The following CDHR5 variants were observed in gnomAD, a reference collection of about 807,000 sequenced individuals.
CDHR5 encodes cadherin related family member 5, also known as cadherin-related family member 5.
In CDHR5, 82 loss-of-function variants were observed where a neutral mutation model predicts 69.5. The ratio of observed to expected loss-of-function variants is 1.18; its 90% CI spans 0.99 to 1.42. The LOEUF (loss-of-function observed/expected upper bound fraction) is 1.42, where lower values mean the gene tolerates loss of function less well. Ranked by LOEUF, CDHR5 falls within the 40% of genes most tolerant of loss-of-function variation. The probability of loss-of-function intolerance (pLI) is 0.00; values close to 1 mark genes in which losing one functional copy is unlikely to be tolerated. For synonymous variants in CDHR5, 601 were observed against 510.2 expected (o/e 1.18, Z -2.40); for missense variants, 1,293 against 1,168.9 (o/e 1.11, Z -1.55).
Position 619,572 on chromosome 11 carries a change from T to C in CDHR5, c.1195A>G (p.Ile399Val). The part of the protein sequence containing the change: ...DPEFSDLNSA[I>V]TYRITNHSHF... ...GAGTGGTTGGTAATTCGATATGTGA[T>C]GGCCGAGTTGAGGTCCTGGACAGGG... The change falls in exon 11 of 15, where the codon ATC becomes GTC. Residue 399 changes from isoleucine (I) to valine (V), a missense_variant. By Grantham distance (29) the Ile-to-Val change is conservative. Transcript: ENST00000397542. 2 of 1,613,810 alleles carry C rather than the reference T, an allele frequency of 1.2e-6. No individual in the cohort carries two copies. Among genetic ancestry groups the C allele is most frequent in the Non-Finnish European group, 1.7e-6 (2 of 1,179,804 alleles).
At chr11:619,422 C>T (rs766710344) in intron 11 of CDHR5, 32 bp from the exon 12 acceptor site, 5 of 1,609,054 alleles carry the variant, frequency 3.1e-6, no homozygotes, top group Non-Finnish European at 4.3e-6. Context: ...CCCTCCTAGA[C>T]ACATCTTTAA....
rs371539735 is a variant in CDHR5 at position 618,074 on chromosome 11, C to T, written c.1998G>A (p.Val666=). Residue 666 remains valine (V), a synonymous_variant, in exon 14 of 15, where the codon GTG becomes GTA. Coordinates refer to ENST00000397542, the MANE Select transcript of CDHR5 (RefSeq NM_021924.5). The part of the protein sequence containing the change: ...GPSEDKRFSV[V]DMAALGGVLG... ...GCACCCCGCCCAGGGCCGCCATATC[C>T]ACCACCGAGAAGCGCTTGTCCTCCG... The T allele has an allele frequency of 5.3e-5, 85 of 1,610,076 alleles. No individual in the cohort carries two copies. The highest frequency in any genetic ancestry group is 8.9e-5 in the East Asian group (4 of 44,804).
At chr11:623,924 G>A (rs1005881722) in intron 3 of CDHR5, among the ~76,000 whole-genome samples, 52 of 152,240 alleles carry the variant, frequency 3.4e-4, no homozygotes, top group African/African-American at 1.2e-3. Context: ...GGGAACCAAG[G>A]TGGTCCCCGT....
At chr11:622,696 G>A (rs1178956525) in intron 3 of CDHR5, among the ~76,000 whole-genome samples, 1 of 151,882 alleles carries the variant, frequency 6.6e-6, no homozygotes, top group Non-Finnish European at 1.5e-5. Context: ...CATTGGTCTC[G>A]AACTCTTGAC....
intron 12 of CDHR5, 35 bp from the exon 13 acceptor site, chr11:619,215 G>A: frequency 4.1e-6 from 6 of 1,475,772 alleles, no homozygotes; most frequent in Non-Finnish European, 5.5e-6. Context: ...GCTTGCCTCT[G>A]CCCGCCCCTT....
intron 3 of CDHR5, among the ~76,000 whole-genome samples, chr11:623,962 G>A (rs1209417905): frequency 6.6e-6 from 1 of 152,150 alleles, no homozygotes; most frequent in Non-Finnish European, 1.5e-5. Flanking sequence ...TGCCTCCCTT[G>A]TGGATGGTTG....
In CDHR5 at chr11:624,207, A is replaced by G; in HGVS notation, c.312+6T>C. On this transcript the variant is annotated splice_donor_region_variant and intron_variant, in intron 3 of 14. Transcript: ENST00000397542. This position sits in a 1 kb window ranked among gnomAD's most constrained non-coding sequence, Gnocchi z 5.3. ...GTGGGGCGGGGAGAGCGGGGCGGGG[A>G]CTCACCAATGTGCCTCCGCTCTGAC... 1 of 756,098 alleles carries G rather than the reference A, an allele frequency of 1.3e-6. No homozygotes were observed. Among genetic ancestry groups the G allele is most frequent in the Non-Finnish European group, 2.5e-6 (1 of 407,050 alleles). 46.8% of individuals were successfully genotyped at this position (756,098 alleles called of 1,614,324 possible). A position where few individuals can be genotyped will look rare whatever the true frequency, so the allele number is the denominator to read the frequency against.
rs1208524825 is a variant in CDHR5 at position 619,142 on chromosome 11, G to A, written c.1417C>T (p.Pro473Ser). ...ACCTCGGAAGTGGTGCTGGTCCAGG[G>A]CCCAGTTGTTCCTCCAGCCTCTGGG... is the stretch of plus-strand genomic sequence containing the variant. The part of the protein sequence containing the change: ...PSPEAGGTTG[P>S]WTSTTSEVPR... The change falls in exon 13 of 15, where the codon CCC (proline) becomes TCC (serine). Residue 473 changes from proline to serine, a missense_variant. By Grantham distance (74) the Pro-to-Ser change is moderately conservative. Transcript: ENST00000397542. 1 of 1,574,792 alleles carries A rather than the reference G, an allele frequency of 6.4e-7. No individual in the cohort carries two copies. Among genetic ancestry groups the A allele is most frequent in the Non-Finnish European group, 8.6e-7 (1 of 1,162,332 alleles).
At chr11:623,379 G>A (rs952614674) in intron 3 of CDHR5, among the ~76,000 whole-genome samples, 3 of 152,162 alleles carry the variant, frequency 2.0e-5, no homozygotes, top group African/African-American at 7.2e-5. Flanking sequence ...GTGCATGGAG[G>A]GCACAGAGCC....
At chr11:620,465 A>G in intron 7 of CDHR5, 79 bp from the exon 8 acceptor site, 1 of 1,029,730 alleles carries the variant, frequency 9.7e-7, no homozygotes, top group Non-Finnish European at 1.4e-6. Flanking sequence ...ACTCCCCATC[A>G]AGGGCAGGGT....
Position 617,789 on chromosome 11 carries a change from G to T in CDHR5, c.2119-19C>A. ...GGGGCTCCTGCAGGCGGGAGTCGAG[G>T]CGTCAGCGGGGTCCCTGGGTCTCTG... On this transcript the variant is annotated intron_variant, in intron 14 of 14. Coordinates refer to ENST00000397542, the MANE Select transcript of CDHR5 (RefSeq NM_021924.5). 1.4e-6 allele frequency: 2 copies of T among 1,448,226 alleles called. No individual in the cohort carries two copies. Among genetic ancestry groups the T allele is most frequent in the Non-Finnish European group, 1.8e-6 (2 of 1,106,268 alleles). 89.7% of individuals were successfully genotyped at this position (1,448,226 alleles called of 1,614,324 possible).
chr11:617,653 C>T lies in CDHR5; in HGVS notation c.2236G>A (p.Glu746Lys). The T allele has an allele frequency of 6.5e-7, 1 of 1,531,238 alleles. No individual in the cohort carries two copies. Among genetic ancestry groups the T allele is most frequent in the Non-Finnish European group, 8.7e-7 (1 of 1,142,990 alleles). 94.9% of individuals were successfully genotyped at this position (1,531,238 alleles called of 1,614,324 possible). A position where few individuals can be genotyped will look rare whatever the true frequency, so the allele number is the denominator to read the frequency against. ...GAGGCAGGGCCGGGGGGTGCGGGCT[C>T]TGCGGGCATCGGTGCCTCCGCGGGC... is the stretch of plus-strand genomic sequence containing the variant. ...PKPAEAPMPA[E>K]PAPPGPASPG... Residue 746 changes from glutamate (E) to lysine (K), a missense_variant, in exon 15 of 15, where the codon GAG (glutamate) becomes AAG (lysine). Coordinates refer to ENST00000397542, the MANE Select transcript of CDHR5 (RefSeq NM_021924.5).
intron 11 of CDHR5, 34 bp downstream of exon 11, chr11:619,440 A>G: frequency 6.2e-7 from 1 of 1,605,886 alleles, no homozygotes; most frequent in Non-Finnish European, 8.5e-7. Context: ...TAAGCCCCAC[A>G]CCCTTGGAGA....
At position 621,236 on chromosome 11, in the gene CDHR5, C is replaced by CT; in HGVS notation, c.632dup (p.Asn212GlufsTer66). 1 of 1,596,782 alleles carries CT rather than the reference C, an allele frequency of 6.3e-7. No individual in the cohort carries two copies. The highest frequency in any genetic ancestry group is 2.2e-5 in the East Asian group (1 of 44,694). ...TGGCAGTGTGGCTGGGTTCCACATT[C>CT]TCCCCCGGAGTGTCCTGCAACAGAC... On this transcript the variant is annotated frameshift_variant, in exon 7 of 15. Coordinates refer to ENST00000397542, the MANE Select transcript of CDHR5 (RefSeq NM_021924.5). LOFTEE classifies it high-confidence loss of function. The surrounding 1 kb of genome is among the most constrained non-coding windows in gnomAD (Gnocchi z 4.4).
At position 621,729 on chromosome 11, in the gene CDHR5, GC is replaced by G; in HGVS notation, c.406-67del. Reference sequence around the variant, plus strand: ...CCCTGTGGACCCCCACTGTGGTTGAGCCCCCGGCCACCACTCACCTCCTGCC... The same window carrying G: ...CCCTGTGGACCCCCACTGTGGTTGAGCCCCGGCCACCACTCACCTCCTGCC... On this transcript the variant is annotated intron_variant, in intron 4 of 14. Transcript: ENST00000397542. This position sits in a 1 kb window ranked among gnomAD's most constrained non-coding sequence, Gnocchi z 4.4. 3 of 1,550,108 alleles carry G rather than the reference GC, an allele frequency of 1.9e-6. No homozygotes were observed. The highest frequency in any genetic ancestry group is 2.7e-6 in the Non-Finnish European group (3 of 1,123,322).
chr11:618,369 C>T lies in CDHR5; in HGVS notation c.1960+230G>A, dbSNP rs558301857. On this transcript the variant is annotated intron_variant, in intron 13 of 14. Coordinates refer to ENST00000397542, the MANE Select transcript of CDHR5 (RefSeq NM_021924.5). The stretch of plus-strand genomic sequence containing the variant: ...AGGGACTTGCAGGGTGAGCGGCAGC[C>T]GTGGGAATCGTGGGATTCGCTGGAC... Among the ~76,000 whole-genome samples the T allele has an allele frequency of 2.6e-5, 4 of 152,320 alleles. No individual in the cohort carries two copies. The East Asian group carries it at 5.8e-4, about 22-fold the overall frequency.
chr11:618,237 C>T (rs1354121839), intron 13 of CDHR5, 126 bp from the exon 14 acceptor site: 2 of 811,434 alleles, frequency 2.5e-6, no homozygotes, highest in Non-Finnish European at 3.8e-6. Flanking sequence ...TCCCAAATCT[C>T]AGGCTCTGCT....
chr11:619,287 C>A lies in CDHR5; in HGVS notation c.1378+19G>T, dbSNP rs561896865. On this transcript the variant is annotated intron_variant, in intron 12 of 14. Coordinates refer to ENST00000397542, the MANE Select transcript of CDHR5 (RefSeq NM_021924.5). ...TTATTTGGAGAACCCTGGGGGCTCA[C>A]CTGTGGAGGGGGGCTTACCTGTGGA... is the stretch of plus-strand genomic sequence containing the variant. The A allele has an allele frequency of 1.9e-6, 3 of 1,572,680 alleles. No individual in the cohort carries two copies. The South Asian group carries it at 3.3e-5, about 17-fold the overall frequency.
Position 624,899 on chromosome 11 carries a change from C to A in CDHR5, c.4G>T (p.Gly2Trp). The change falls in exon 1 of 15, where the codon GGG (glycine) becomes TGG (tryptophan). Residue 2 changes from glycine (G) to tryptophan (W), a missense_variant. Coordinates refer to ENST00000397542, the MANE Select transcript of CDHR5 (RefSeq NM_021924.5). The surrounding 1 kb of genome is among the most constrained non-coding windows in gnomAD (Gnocchi z 5.3). M[G>W]SWALLWPPLL... is the part of the protein sequence containing the mutation. The stretch of plus-strand genomic sequence containing the variant: ...GGAGGCCACAGCAGGGCCCAAGACC[C>A]CATCTTGGCGGCTGTCACCTGGCAG... 6.4e-7 allele frequency: 1 copy of A among 1,553,078 alleles called. No homozygotes were observed. Among genetic ancestry groups the A allele is most frequent in the Non-Finnish European group, 8.7e-7 (1 of 1,151,748 alleles).
Sources: gnomAD v4.1 joint callset for allele counts (sites outside exome capture counted in the v4.1 genomes callset) on GRCh38, gnomAD v4.1.1 for gene constraint, Gnocchi (gnomAD v3.1) non-coding constraint, MANE v1.5 for transcripts, NCBI Gene and HGNC (gene_info 2026-07-23, HGNC 2026-07-21) for gene names.